MGAT4C: variants seen among roughly 807,000 people sequenced by gnomAD.
The protein encoded by MGAT4C is MGAT4 family member C, also known as alpha-1,3-mannosyl-glycoprotein 4-beta-N-acetylglucosaminyltransferase C.
MGAT4C carries 19 observed loss-of-function variants against 40.1 expected under a neutral mutation model. The observed-to-expected ratio is 0.47, with a 90% CI of 0.33 to 0.70. The LOEUF (loss-of-function observed/expected upper bound fraction) is 0.70. Ranked by LOEUF, MGAT4C falls within the 30% of genes least tolerant of loss-of-function variation. The probability of loss-of-function intolerance (pLI) is 0.02; values close to 1 mark genes in which losing one functional copy is unlikely to be tolerated. For missense variants in MGAT4C, 491 were observed against 563.2 expected (o/e 0.87, Z 1.30); for synonymous variants, 181 against 187.1 (o/e 0.97, Z 0.27).
At chr12:86,561,471 C>A (rs1022370350) in intron 2 of MGAT4C, among the ~76,000 whole-genome samples, 7 of 152,176 alleles carry the variant, frequency 4.6e-5, no homozygotes, top group Non-Finnish European at 1.0e-4. Flanking sequence ...GCTGAGTTTT[C>A]CAGCCTTCAT....
At chr12:86,057,134 A>AT (rs1193838765) in intron 1 of MGAT4C, among the ~76,000 whole-genome samples, 11 of 152,006 alleles carry the variant, frequency 7.2e-5, no homozygotes, top group African/African-American at 2.7e-4. Context: ...TGCAGATTCC[A>AT]TAATAATGTA....
chr12:86,271,905 T>G (rs1051296986), intron 4 of MGAT4C, among the ~76,000 whole-genome samples: 1 of 152,124 alleles, frequency 6.6e-6, no homozygotes, highest in Non-Finnish European at 1.5e-5. Context: ...CGGCACAAAT[T>G]GGCAAATATC....
chr12:86,701,211 C>T (rs144107411), intron 2 of MGAT4C, among the ~76,000 whole-genome samples: 1 of 152,050 alleles, frequency 6.6e-6, no homozygotes, highest in East Asian at 1.9e-4. Context: ...TTTTATCACA[C>T]TTCACTTCAC....
At chr12:86,674,289 T>C (rs1200167290) in intron 2 of MGAT4C, among the ~76,000 whole-genome samples, 1 of 152,230 alleles carries the variant, frequency 6.6e-6, no homozygotes, top group African/African-American at 2.4e-5. Context: ...TTCAAAACTT[T>C]TTATAACATT....
At chr12:86,595,583 A>T (rs77264421) in intron 2 of MGAT4C, among the ~76,000 whole-genome samples, 7,241 of 152,044 alleles carry the variant, frequency 0.048, 568 homozygotes, top group African/African-American at 0.16. Context: ...AGTATATATC[A>T]TCATTCTTTG....
At chr12:86,607,603 G>A (rs893471073) in intron 2 of MGAT4C, among the ~76,000 whole-genome samples, 14 of 152,174 alleles carry the variant, frequency 9.2e-5, no homozygotes, top group African/African-American at 3.1e-4. Context: ...GGTCTCTTGT[G>A]TTATGCTGCA....
chr12:86,010,023 A>T (rs1429636669), intron 2 of MGAT4C, among the ~76,000 whole-genome samples: 2 of 152,200 alleles, frequency 1.3e-5, no homozygotes, highest in East Asian at 3.9e-4. Flanking sequence ...CGATCACTTG[A>T]TATTTCATTG....
intron 4 of MGAT4C, among the ~76,000 whole-genome samples, chr12:86,332,282 G>A (rs1954686512): frequency 6.6e-6 from 1 of 151,934 alleles, no homozygotes; most frequent in Admixed American, 6.6e-5. Context: ...CCATTTATTG[G>A]CTTAATTTTG....
chr12:86,415,368 A>C (rs1224845165), intron 3 of MGAT4C, among the ~76,000 whole-genome samples: 1 of 152,032 alleles, frequency 6.6e-6, no homozygotes, highest in East Asian at 1.9e-4. Flanking sequence ...TTAATAACTA[A>C]CATACAAAGA....
chr12:86,807,157 A>T (rs1009293218), intron 1 of MGAT4C, among the ~76,000 whole-genome samples: 11 of 151,934 alleles, frequency 7.2e-5, no homozygotes, highest in African/African-American at 2.7e-4. Context: ...CATGTGCAGG[A>T]TGTGCAGGTC....
intron 2 of MGAT4C, among the ~76,000 whole-genome samples, chr12:86,710,700 GA>G (rs1198011636): frequency 6.6e-6 from 1 of 151,878 alleles, no homozygotes; most frequent in Non-Finnish European, 1.5e-5. Context: ...CTACCCAAAG[GA>G]AAAAAAGTCA....
chr12:86,368,171 G>C (rs1159197057), intron 3 of MGAT4C, among the ~76,000 whole-genome samples: 1 of 152,084 alleles, frequency 6.6e-6, no homozygotes, highest in African/African-American at 2.4e-5. Flanking sequence ...TCAAGAATAT[G>C]ATATCTAAAA....
chr12:86,418,960 C>T (rs755254731), intron 3 of MGAT4C, among the ~76,000 whole-genome samples: 4 of 152,162 alleles, frequency 2.6e-5, no homozygotes, highest in Admixed American at 6.5e-5. Flanking sequence ...AAAAAATGCT[C>T]ATATTTTTGT....
At chr12:86,552,645 C>T (rs892160205) in intron 2 of MGAT4C, among the ~76,000 whole-genome samples, 7 of 151,810 alleles carry the variant, frequency 4.6e-5, no homozygotes, top group African/African-American at 1.7e-4. Flanking sequence ...TAAATATGTA[C>T]AATTATTATG....
chr12:86,704,270 G>A (rs139241546), intron 2 of MGAT4C, among the ~76,000 whole-genome samples: 26 of 152,094 alleles, frequency 1.7e-4, no homozygotes, highest in Non-Finnish European at 3.1e-4. Context: ...TAAGCTATGG[G>A]TCAGCCCGTT....
intron 1 of MGAT4C, among the ~76,000 whole-genome samples, chr12:86,216,773 T>C (rs1032172160): frequency 6.6e-6 from 1 of 152,202 alleles, no homozygotes; most frequent in Non-Finnish European, 1.5e-5. Flanking sequence ...AAAAAATATT[T>C]TGTGTTGATT....
At position 86,489,899 on chromosome 12, in the gene MGAT4C, G is replaced by C. The variant is rs904035683; in HGVS notation, c.-228-54634C>G. Among the ~76,000 whole-genome samples the C allele has an allele frequency of 5.3e-5, 8 of 152,174 alleles. No individual in the cohort carries two copies. The East Asian group carries it at 1.5e-3, about 29-fold the overall frequency. On this transcript the variant is annotated intron_variant, in intron 2 of 7. Coordinates refer to the MGAT4C transcript ENST00000548651. ...AAAAGAATAAAAAGAAATGAACAAA[G>C]CATCCAAGAAATATGGGACTATGTG...
intron 1 of MGAT4C, among the ~76,000 whole-genome samples, chr12:86,812,002 A>G (rs1952486054): frequency 6.6e-6 from 1 of 152,358 alleles, no homozygotes; most frequent in Non-Finnish European, 1.5e-5. Context: ...GCATTTTTGT[A>G]TGCTCCATAT....
intron 2 of MGAT4C, among the ~76,000 whole-genome samples, chr12:86,478,232 AG>A (rs1957874849): frequency 2.0e-5 from 3 of 152,180 alleles, no homozygotes; most frequent in Admixed American, 2.0e-4. Context: ...TTTGTCAGTA[AG>A]AATTAGAAAA....
Sources: allele counts gnomAD v4.1 joint callset (sites outside exome capture counted in the v4.1 genomes callset), GRCh38; gene constraint gnomAD v4.1.1; transcripts MANE v1.5; gene names NCBI Gene and HGNC (gene_info 2026-07-23, HGNC 2026-07-21).